ZFHX3: variants seen among roughly 807,000 people sequenced by gnomAD.
ZFHX3 encodes zinc finger homeobox protein 3.
In ZFHX3, 42 loss-of-function variants were observed where a neutral mutation model predicts 279.1. The ratio of observed to expected loss-of-function variants is 0.15; its 90% CI spans 0.12 to 0.19. The LOEUF (loss-of-function observed/expected upper bound fraction) is 0.19. ZFHX3 is among the 10% of genes least tolerant of loss of function. The probability of loss-of-function intolerance (pLI) is 1.00; values close to 1 mark genes in which losing one functional copy is unlikely to be tolerated. For synonymous variants in ZFHX3, 2,293 were observed against 1,957.8 expected, an observed-to-expected ratio of 1.17 and a Z score of -4.52; for missense variants, 4,981 against 4,754.0, an observed-to-expected ratio of 1.05 and a Z score of -1.40.
rs1038199353 is a variant in ZFHX3, at chr16:73,783,130, T to C, written c.-1607-102890A>G. Among the ~76,000 whole-genome samples, 5 of 151,910 alleles carry C rather than the reference T, an allele frequency of 3.3e-5. No individual in the cohort carries two copies. The East Asian group carries it at 9.7e-4, about 29-fold the overall frequency. ...ACTTATTCTCCAGCTGCCCGGAGAG[T>C]TGGCTTTGATGGCTCAGAGCTGAGT... On this transcript the variant is annotated intron_variant, in intron 1 of 17. Coordinates refer to the ZFHX3 transcript ENST00000641206.
chr16:73,492,404 T>C (rs981873811), intron 2 of ZFHX3, among the ~76,000 whole-genome samples: 3 of 152,206 alleles, frequency 2.0e-5, no homozygotes, highest in Non-Finnish European at 4.4e-5. Flanking sequence ...AAAATAATAA[T>C]AATGGTTTAC....
At chr16:73,716,663 G>T (rs897166451) in intron 1 of ZFHX3, among the ~76,000 whole-genome samples, 3 of 145,484 alleles carry the variant, frequency 2.1e-5, no homozygotes, top group African/African-American at 5.2e-5. Context: ...ATGCACGCAC[G>T]CACAGACCTA....
intron 5 of ZFHX3, among the ~76,000 whole-genome samples, chr16:73,214,952 A>G (rs193064396): frequency 7.0e-6 from 1 of 143,138 alleles, no homozygotes. Context: ...TTTTCCTTTA[A>G]GAAGGCCACA....
intron 1 of ZFHX3, among the ~76,000 whole-genome samples, chr16:73,040,548 C>A (rs1965073040): frequency 6.8e-6 from 1 of 147,122 alleles, no homozygotes; most frequent in Non-Finnish European, 1.5e-5. Context: ...GGGAGGGGGA[C>A]AGAAGGGGAG....
intron 4 of ZFHX3, among the ~76,000 whole-genome samples, chr16:72,853,629 T>C (rs2037673357): frequency 1.3e-5 from 2 of 152,254 alleles, no homozygotes. Context: ...ATCTGGTTCT[T>C]GGATTTTACA....
At chr16:72,842,274 G>C (rs1486966980) in intron 4 of ZFHX3, among the ~76,000 whole-genome samples, 1 of 151,838 alleles carries the variant, frequency 6.6e-6, no homozygotes, top group Non-Finnish European at 1.5e-5. Flanking sequence ...CTGGAGTGCA[G>C]TGGCACCATC....
chr16:73,446,527 C>T (rs2018188513), intron 3 of ZFHX3, among the ~76,000 whole-genome samples: 1 of 152,130 alleles, frequency 6.6e-6, no homozygotes. Context: ...AGGTCCCTCC[C>T]CCAACACGTG....
intron 1 of ZFHX3, among the ~76,000 whole-genome samples, chr16:73,735,819 T>A (rs1244018003): frequency 6.6e-6 from 1 of 152,178 alleles, no homozygotes; most frequent in Non-Finnish European, 1.5e-5. Context: ...TCTGTAGGGT[T>A]TTGAATTAGT....
At chr16:72,899,306 G>C (rs557404249) in intron 3 of ZFHX3, among the ~76,000 whole-genome samples, 2 of 152,182 alleles carry the variant, frequency 1.3e-5, no homozygotes, top group East Asian at 1.9e-4. Flanking sequence ...TGCTGTTCTT[G>C]TGACAGCGAG....
At chr16:72,895,318 C>T (rs1406877162) in intron 3 of ZFHX3, among the ~76,000 whole-genome samples, 1 of 152,132 alleles carries the variant, frequency 6.6e-6, no homozygotes, top group Non-Finnish European at 1.5e-5. Flanking sequence ...CAGGGGCCTC[C>T]TAGCTAACTC....
chr16:73,383,462 G>C (rs1301295102), intron 3 of ZFHX3, among the ~76,000 whole-genome samples: 2 of 152,222 alleles, frequency 1.3e-5, no homozygotes, highest in African/African-American at 4.8e-5. Context: ...TGGACAGGAG[G>C]GATCTCTGGA....
At chr16:73,593,286 C>G (rs2052017149) in intron 2 of ZFHX3, among the ~76,000 whole-genome samples, 1 of 151,836 alleles carries the variant, frequency 6.6e-6, no homozygotes, top group Admixed American at 6.6e-5. Flanking sequence ...GCTAGCAAAA[C>G]CTGGATGTCA....
chr16:73,592,184 G>A (rs2052006432), intron 2 of ZFHX3, among the ~76,000 whole-genome samples: 1 of 152,174 alleles, frequency 6.6e-6, no homozygotes, highest in African/African-American at 2.4e-5. Flanking sequence ...AGTGAGCTGA[G>A]ATCACACCAC....
chr16:73,268,686 C>T (rs1354804647), intron 4 of ZFHX3, among the ~76,000 whole-genome samples: 1 of 152,214 alleles, frequency 6.6e-6, no homozygotes, highest in African/African-American at 2.4e-5. Context: ...TCGGGGCGCA[C>T]CTGCCCTTTC....
At chr16:73,590,594 A>C (rs865919868) in intron 2 of ZFHX3, among the ~76,000 whole-genome samples, 1 of 152,246 alleles carries the variant, frequency 6.6e-6, no homozygotes, top group African/African-American at 2.4e-5. Context: ...CATCATTAGA[A>C]TATTCTAGAG....
intron 2 of ZFHX3, among the ~76,000 whole-genome samples, chr16:73,495,628 C>T (rs1317113860): frequency 3.3e-5 from 5 of 152,170 alleles, no homozygotes; most frequent in African/African-American, 1.2e-4. Flanking sequence ...CTCACCTCAA[C>T]ACGCTGGTCC....
chr16:73,327,426 C>G (rs1040869414), intron 3 of ZFHX3, among the ~76,000 whole-genome samples: 13 of 152,300 alleles, frequency 8.5e-5, no homozygotes, highest in Middle Eastern at 3.4e-3. Context: ...CTATTCCCTC[C>G]CCAACTTCCC....
chr16:73,507,288 T>C (rs1368979124), intron 2 of ZFHX3, among the ~76,000 whole-genome samples: 1 of 152,142 alleles, frequency 6.6e-6, no homozygotes, highest in Non-Finnish European at 1.5e-5. Context: ...GTGCTTACTG[T>C]ATACACATAG....
intron 2 of ZFHX3, among the ~76,000 whole-genome samples, chr16:73,481,463 C>G (rs917592605): frequency 1.3e-5 from 2 of 152,122 alleles, no homozygotes; most frequent in Admixed American, 6.5e-5. Context: ...TAAAGAGGGT[C>G]TCACTCTATT....
Sources: allele counts gnomAD v4.1 joint callset (sites outside exome capture counted in the v4.1 genomes callset), GRCh38; gene constraint gnomAD v4.1.1; transcripts MANE v1.5; gene names NCBI Gene and HGNC (gene_info 2026-07-23, HGNC 2026-07-21).